The following PCDHGA2 variants were observed in gnomAD, a reference collection of about 807,000 sequenced individuals.
The protein encoded by PCDHGA2 is protocadherin gamma subfamily A, 2.
A neutral mutation model predicts 59.2 loss-of-function variants in PCDHGA2; 40 were observed. That is an observed-to-expected ratio of 0.68 (90% CI 0.52 to 0.88). The LOEUF is 0.88. PCDHGA2 is among the 40% of genes least tolerant of loss of function. PCDHGA2 has a pLI of 0.00. For synonymous variants in PCDHGA2, 560 were observed against 526.0 expected, an observed-to-expected ratio of 1.06 and a Z score of -0.89; for missense variants, 1,226 against 1,204.0, an observed-to-expected ratio of 1.02 and a Z score of -0.27.
chr5:141,405,407 C>CT lies in PCDHGA2; in HGVS notation c.2424+64019dup, dbSNP rs762612492. 13 of 1,582,050 alleles carry CT rather than the reference C, an allele frequency of 8.2e-6. No individual in the cohort carries two copies. In the East Asian group the frequency reaches 1.6e-4, roughly 19 times the overall value. On this transcript the variant is annotated intron_variant, in intron 1 of 3. Transcript: ENST00000394576. Reference sequence around the variant, plus strand: ...TTCATTTTTTTTCTTTCTTTCTTTTCTTTTTTTGTTTTTTGTTTTGTTTTG... The same window carrying CT: ...TTCATTTTTTTTCTTTCTTTCTTTTCTTTTTTTTGTTTTTTGTTTTGTTTTG...
rs1214164512 is a variant in PCDHGA2 at position 141,366,098 on chromosome 5, A to G, written c.2424+24703A>G. ...CGCAGAACCTGGCTACCTGGTGACC[A>G]AGGTGGTAGCGGTGGACAAAGATTC... On this transcript the variant is annotated intron_variant, in intron 1 of 3. Coordinates refer to ENST00000394576, the MANE Select transcript of PCDHGA2 (RefSeq NM_018915.4). The G allele has an allele frequency of 1.9e-6, 3 of 1,614,214 alleles. No homozygotes were observed. In the Admixed American group the frequency reaches 5.0e-5, roughly 27 times the overall value.
chr5:141,494,775 A>G (rs1202233200), intron 1 of PCDHGA2, 32 bp from the exon 2 acceptor site: 1 of 1,613,580 alleles, frequency 6.2e-7, no homozygotes. Flanking sequence ...TCTCACGGGT[A>G]CTCAGCCCCT....
chr5:141,386,911 G>A (rs1312159511), intron 1 of PCDHGA2, among the ~76,000 whole-genome samples: 2 of 152,190 alleles, frequency 1.3e-5, no homozygotes, highest in South Asian at 2.1e-4. Flanking sequence ...AGGTCACCAA[G>A]GAATGTAAAA....
intron 1 of PCDHGA2, chr5:141,427,786 C>G: frequency 1.4e-6 from 2 of 1,477,082 alleles, no homozygotes; most frequent in Non-Finnish European, 1.9e-6. Flanking sequence ...GCACTGTCGT[C>G]CTACGTGTCC....
intron 1 of PCDHGA2, chr5:141,343,705 A>C: frequency 4.6e-6 from 1 of 216,656 alleles, no homozygotes; most frequent in Non-Finnish European, 9.0e-6. Context: ...CTCTGACAAG[A>C]AGGATTTCAG....
chr5:141,378,734 A>C (rs1388674316), intron 1 of PCDHGA2: 1 of 152,216 alleles, frequency 6.6e-6, no homozygotes, highest in Non-Finnish European at 1.5e-5. Flanking sequence ...CTTTATTGAA[A>C]TATTTCAAGA....
At chr5:141,393,192 A>G in intron 1 of PCDHGA2, 2 of 1,613,468 alleles carry the variant, frequency 1.2e-6, no homozygotes, top group Non-Finnish European at 1.7e-6. Flanking sequence ...AATTGATATT[A>G]ACGATAATAA....
At chr5:141,393,029 G>A in intron 1 of PCDHGA2, 1 of 1,613,754 alleles carries the variant, frequency 6.2e-7, no homozygotes, top group Non-Finnish European at 8.5e-7. Context: ...GAGGTAGGAC[G>A]CAGCTCTTTG....
At position 141,487,636 on chromosome 5, in the gene PCDHGA2, A is replaced by G. The variant is rs780468230; in HGVS notation, c.2425-7171A>G. 3 of 1,614,192 alleles carry G rather than the reference A, an allele frequency of 1.9e-6. No homozygotes were observed. Among genetic ancestry groups the G allele is most frequent in the Non-Finnish European group, 1.7e-6 (2 of 1,180,030 alleles). Reference sequence around the variant, plus strand: ...TAGAGGTGAGACCTTTGCAGGCTCAACAAATGCTTGAGGGTTATTCTGATC... The same window carrying G: ...TAGAGGTGAGACCTTTGCAGGCTCAGCAAATGCTTGAGGGTTATTCTGATC... On this transcript the variant is annotated intron_variant, in intron 1 of 3. Transcript: ENST00000394576. This position sits in a 1 kb window ranked among gnomAD's most constrained non-coding sequence, Gnocchi z 5.0.
intron 1 of PCDHGA2, among the ~76,000 whole-genome samples, chr5:141,386,304 C>T (rs1239396408): frequency 6.6e-6 from 1 of 152,104 alleles, no homozygotes; most frequent in African/African-American, 2.4e-5. Flanking sequence ...TAGTAAAGCT[C>T]AGTATATCAA....
At chr5:141,447,675 C>T (rs1416110491) in intron 1 of PCDHGA2, among the ~76,000 whole-genome samples, 13 of 152,064 alleles carry the variant, frequency 8.5e-5, no homozygotes, top group Admixed American at 8.5e-4. Context: ...TAGAACTGTT[C>T]CATATCTTGA....
At position 141,404,066 on chromosome 5, in the gene PCDHGA2, C is replaced by G. The variant is rs745515085; in HGVS notation, c.2424+62671C>G. The G allele has an allele frequency of 3.1e-6, 5 of 1,613,776 alleles. No individual in the cohort carries two copies. The East Asian group carries it at 8.9e-5, about 29-fold the overall frequency. On this transcript the variant is annotated intron_variant, in intron 1 of 3. Transcript: ENST00000394576. ...AACAGTAATTCTTCTTTTCAATGCT[C>G]ATGACCGAGACTCCGGGAAGAATGG...
intron 1 of PCDHGA2, chr5:141,385,263 T>G: frequency 6.2e-7 from 1 of 1,613,672 alleles, no homozygotes; most frequent in Non-Finnish European, 8.5e-7. Context: ...GTGAGAAAAA[T>G]GATTCTTTGC....
chr5:141,397,907 G>C, intron 1 of PCDHGA2: 1 of 663,426 alleles, frequency 1.5e-6, no homozygotes, highest in Non-Finnish European at 2.5e-6. Context: ...AGAGCTTGGC[G>C]CTCCAGATCT....
In PCDHGA2 at chr5:141,357,372, G is replaced by A. The variant is rs1209797012; in HGVS notation, c.2424+15977G>A. On this transcript the variant is annotated intron_variant, in intron 1 of 3. Transcript: ENST00000394576. The stretch of plus-strand genomic sequence containing the variant: ...TGAGACGCTGGCACAAGTCACGCCT[G>A]CTTCACGCTGAAGGCAGCAGGTTGG... The A allele has an allele frequency of 3.7e-6, 6 of 1,614,086 alleles. No individual in the cohort carries two copies. The Admixed American group carries it at 8.3e-5, about 22-fold the overall frequency.
chr5:141,339,347 A>G lies in PCDHGA2; in HGVS notation c.376A>G (p.Ile126Val). The change falls in exon 1 of 4, where the codon ATT (isoleucine) becomes GTT (valine). Residue 126 changes from isoleucine (I) to valine (V), a missense_variant. By Grantham distance (29) the Ile-to-Val change is conservative (BLOSUM62 3). Coordinates refer to ENST00000394576, the MANE Select transcript of PCDHGA2 (RefSeq NM_018915.4). ...TTCAGTAGAGGTGGAAATAACAGAT[A>G]TTAACGATAATGCCCCTCGCTTTGG... ...IYSVEVEITD[I>V]NDNAPRFGVE... The G allele has an allele frequency of 6.2e-7, 1 of 1,614,258 alleles. No individual in the cohort carries two copies. Among genetic ancestry groups the G allele is most frequent in the Non-Finnish European group, 8.5e-7 (1 of 1,180,026 alleles).
intron 1 of PCDHGA2, chr5:141,344,802 G>A (rs377526962): frequency 6.8e-5 from 109 of 1,613,864 alleles, no homozygotes; most frequent in Non-Finnish European, 1.9e-5. Flanking sequence ...GAACGTGCCT[G>A]TGGGTACCCG....
chr5:141,454,232 G>T (rs2098784520), intron 1 of PCDHGA2, among the ~76,000 whole-genome samples: 1 of 152,146 alleles, frequency 6.6e-6, no homozygotes, highest in African/African-American at 2.4e-5. Context: ...TAATTGTGAT[G>T]AAAAGGATGA....
At chr5:141,402,096 A>G (rs1343417374) in intron 1 of PCDHGA2, among the ~76,000 whole-genome samples, 2 of 152,226 alleles carry the variant, frequency 1.3e-5, no homozygotes, top group Non-Finnish European at 2.9e-5. Context: ...GAAAAGTTTA[A>G]GCAATTACAA....
Sources: allele counts gnomAD v4.1 joint callset (sites outside exome capture counted in the v4.1 genomes callset), GRCh38; gene constraint gnomAD v4.1.1; non-coding constraint Gnocchi (gnomAD v3.1); transcripts MANE v1.5; gene names NCBI Gene and HGNC (gene_info 2026-07-23, HGNC 2026-07-21).